ATP6V1H: variants seen among roughly 807,000 people sequenced by gnomAD.
ATP6V1H encodes ATPase H+ transporting V1 subunit H.
Under a neutral mutation model 71.7 loss-of-function variants are expected in ATP6V1H, and 39 were observed. The observed-to-expected ratio is 0.54, with a 90% CI of 0.42 to 0.71. The LOEUF (loss-of-function observed/expected upper bound fraction) is 0.71, where lower values mean the gene tolerates loss of function less well. ATP6V1H is among the 30% of genes least tolerant of loss of function. The pLI is 0.00. For synonymous variants in ATP6V1H, 192 were observed against 199.3 expected, an observed-to-expected ratio of 0.96 and a Z score of 0.31; for missense variants, 509 against 594.9, an observed-to-expected ratio of 0.86 and a Z score of 1.50.
chr8:53,747,635 G>A (rs1332400013), intron 12 of ATP6V1H, among the ~76,000 whole-genome samples: 1 of 151,776 alleles, frequency 6.6e-6, no homozygotes, highest in Non-Finnish European at 1.5e-5. Flanking sequence ...TGCCTCCTGG[G>A]TTCAAGCAAT....
At chr8:53,755,023 T>A (rs982979149) in intron 12 of ATP6V1H, among the ~76,000 whole-genome samples, 4 of 152,178 alleles carry the variant, frequency 2.6e-5, no homozygotes, top group Non-Finnish European at 5.9e-5. Context: ...CTGTTCCCAA[T>A]AAATTTTTCA....
chr8:53,827,973 T>C (rs933668284), intron 4 of ATP6V1H, among the ~76,000 whole-genome samples: 2 of 152,224 alleles, frequency 1.3e-5, no homozygotes, highest in African/African-American at 2.4e-5. Flanking sequence ...TAGTATTCCA[T>C]GGAGTATATG....
chr8:53,821,526 C>T (rs114220551), intron 4 of ATP6V1H, among the ~76,000 whole-genome samples: 7,463 of 151,844 alleles, frequency 0.049, 550 homozygotes, highest in African/African-American at 0.16. Context: ...ACTAAAAATA[C>T]GAAAATTAGC....
At chr8:53,777,347 G>C (rs118052448) in intron 9 of ATP6V1H, among the ~76,000 whole-genome samples, 2,516 of 151,606 alleles carry the variant, frequency 0.017, 48 homozygotes, top group Middle Eastern at 0.038. Flanking sequence ...TATATACAGG[G>C]GAACAAAAAT....
intron 9 of ATP6V1H, among the ~76,000 whole-genome samples, chr8:53,788,112 C>T (rs1369820922): frequency 2.0e-5 from 3 of 152,154 alleles, no homozygotes; most frequent in Non-Finnish European, 4.4e-5. Flanking sequence ...ATGTCTTTAT[C>T]AATGGCTCAA....
At chr8:53,753,846 G>T (rs1210643227) in intron 12 of ATP6V1H, among the ~76,000 whole-genome samples, 1 of 152,048 alleles carries the variant, frequency 6.6e-6, no homozygotes, top group Non-Finnish European at 1.5e-5. Flanking sequence ...AACTATGAGG[G>T]TCTTAGTTTT....
At chr8:53,765,135 G>A (rs770871742) in intron 11 of ATP6V1H, among the ~76,000 whole-genome samples, 3 of 152,074 alleles carry the variant, frequency 2.0e-5, no homozygotes, top group Non-Finnish European at 4.4e-5. Context: ...CAGGCATGGT[G>A]GCTCCCATCT....
At chr8:53,806,122 G>A (rs1810069123) in intron 7 of ATP6V1H, among the ~76,000 whole-genome samples, 1 of 152,094 alleles carries the variant, frequency 6.6e-6, no homozygotes, top group Admixed American at 6.5e-5. Context: ...GGAATAGAGA[G>A]GGAGAAGGAC....
chr8:53,823,927 G>C (rs1453548785), intron 4 of ATP6V1H, among the ~76,000 whole-genome samples: 1 of 150,504 alleles, frequency 6.6e-6, no homozygotes, highest in African/African-American at 2.4e-5. Context: ...AAAAACTATA[G>C]ATCAATTAAT....
chr8:53,807,394 G>A (rs11996300), intron 7 of ATP6V1H, among the ~76,000 whole-genome samples: 15,497 of 151,762 alleles, frequency 0.1, 1,197 homozygotes, highest in East Asian at 0.37. Context: ...GAGGTCAGGC[G>A]TTCGAGACCA....
chr8:53,762,223 A>G (rs1386720067), intron 11 of ATP6V1H, among the ~76,000 whole-genome samples: 2 of 152,132 alleles, frequency 1.3e-5, no homozygotes, highest in Non-Finnish European at 2.9e-5. Flanking sequence ...AAGTTGAGGT[A>G]GAAGGTGAAA....
chr8:53,809,765 GAC>G (rs960759025), intron 7 of ATP6V1H, among the ~76,000 whole-genome samples: 3 of 152,128 alleles, frequency 2.0e-5, no homozygotes, highest in African/African-American at 7.2e-5. Context: ...AGAAATTCAA[GAC>G]ACATGAAATG....
chr8:53,834,705 T>A (rs1395443485), intron 2 of ATP6V1H, among the ~76,000 whole-genome samples: 1 of 151,394 alleles, frequency 6.6e-6, no homozygotes, highest in Non-Finnish European at 1.5e-5. Flanking sequence ...ATTACAGGCA[T>A]GAGCCACTGC....
At chr8:53,815,960 C>T (rs900052912) in intron 5 of ATP6V1H, among the ~76,000 whole-genome samples, 2 of 152,152 alleles carry the variant, frequency 1.3e-5, no homozygotes, top group Non-Finnish European at 2.9e-5. Context: ...TGAACCATTT[C>T]CTAAGTGTAT....
At chr8:53,726,062 A>G (rs536070798) in intron 13 of ATP6V1H, among the ~76,000 whole-genome samples, 1 of 149,286 alleles carries the variant, frequency 6.7e-6, no homozygotes, top group Non-Finnish European at 1.5e-5. Flanking sequence ...TTATTCCATT[A>G]AAAACATTAA....
intron 11 of ATP6V1H, among the ~76,000 whole-genome samples, chr8:53,757,247 A>G (rs559676243): frequency 6.6e-6 from 1 of 152,288 alleles, no homozygotes; most frequent in African/African-American, 2.4e-5. Context: ...CTGGAGCCTG[A>G]CGGGTACTTC....
Position 53,793,259 on chromosome 8 carries a change from T to C in ATP6V1H, c.870+2388A>G, listed in dbSNP as rs151336109. Among the ~76,000 whole-genome samples the C allele has an allele frequency of 6.6e-4, 100 of 152,326 alleles. No homozygotes were observed. In the East Asian group the frequency reaches 0.018, roughly 28 times the overall value. ...AAAAATTAAAAGAAGGGTAATATTA[T>C]AGTGAGCAGAAAAATATGCACTCCC... is the stretch of plus-strand genomic sequence containing the variant. On this transcript the variant is annotated intron_variant, in intron 9 of 13. Coordinates refer to ENST00000359530, the MANE Select transcript of ATP6V1H (RefSeq NM_015941.4).
intron 8 of ATP6V1H, among the ~76,000 whole-genome samples, chr8:53,800,867 T>G (rs1210844307): frequency 2.6e-5 from 4 of 152,188 alleles, no homozygotes; most frequent in Non-Finnish European, 4.4e-5. Context: ...TTTTAAAGGG[T>G]CTGTTGGACC....
At chr8:53,828,843 C>T (rs544375015) in intron 4 of ATP6V1H, among the ~76,000 whole-genome samples, 44 of 152,208 alleles carry the variant, frequency 2.9e-4, no homozygotes, top group African/African-American at 1.0e-3. Flanking sequence ...GCTGGAAGGC[C>T]GATCTCATAA....
Sources: allele counts gnomAD v4.1 joint callset (sites outside exome capture counted in the v4.1 genomes callset), GRCh38; gene constraint gnomAD v4.1.1; transcripts MANE v1.5; gene names NCBI Gene and HGNC (gene_info 2026-07-23, HGNC 2026-07-21).